Variants in RPAP2 observed in about 807,000 individuals in gnomAD.
RPAP2 encodes RNA polymerase II associated protein 2, also known as putative RNA polymerase II subunit B1 CTD phosphatase RPAP2.
RPAP2 carries 52 observed loss-of-function variants against 73.1 expected under a neutral mutation model. The ratio of observed to expected loss-of-function variants is 0.71; its 90% CI spans 0.57 to 0.90. The LOEUF is 0.90. RPAP2 is among the 40% of genes least tolerant of loss of function. The pLI is 0.00. For missense variants in RPAP2, 598 were observed against 701.8 expected, an observed-to-expected ratio of 0.85 and a Z score of 1.67; for synonymous variants, 225 against 242.1, an observed-to-expected ratio of 0.93 and a Z score of 0.65.
intron 12 of RPAP2, among the ~76,000 whole-genome samples, chr1:92,386,205 T>C (rs553515880): frequency 6.6e-6 from 1 of 152,290 alleles, no homozygotes; most frequent in Admixed American, 6.5e-5. Flanking sequence ...AGTTAGAAAC[T>C]AGTCACTAGG....
intron 11 of RPAP2, among the ~76,000 whole-genome samples, chr1:92,367,721 C>T (rs1654986343): frequency 6.6e-6 from 1 of 152,206 alleles, no homozygotes; most frequent in Non-Finnish European, 1.5e-5. Flanking sequence ...CTTCCTCCAA[C>T]CCCAAACCAT....
At chr1:92,305,419 T>C (rs1651143592) in intron 5 of RPAP2, among the ~76,000 whole-genome samples, 1 of 57,340 alleles carries the variant, frequency 1.7e-5, no homozygotes, top group Middle Eastern at 0.011. Context: ...GGCAACAGAG[T>C]GAGGCTCCGT....
At chr1:92,301,164 A>G (rs1423790572) in intron 2 of RPAP2, among the ~76,000 whole-genome samples, 2 of 152,150 alleles carry the variant, frequency 1.3e-5, no homozygotes, top group African/African-American at 4.8e-5. Context: ...TTTGAAAAGT[A>G]TTGGATCAAA....
chr1:92,367,601 A>G (rs1006458213), intron 11 of RPAP2, among the ~76,000 whole-genome samples: 5 of 152,144 alleles, frequency 3.3e-5, no homozygotes, highest in African/African-American at 1.2e-4. Flanking sequence ...ACCTTTATGC[A>G]TGGTAATCAG....
chr1:92,343,773 AAAAG>A (rs1446739504), intron 10 of RPAP2, among the ~76,000 whole-genome samples: 1 of 152,230 alleles, frequency 6.6e-6, no homozygotes, highest in African/African-American at 2.4e-5. Flanking sequence ...GTATGGAAAA[AAAAG>A]AAAAACATAT....
At chr1:92,356,417 TTTTTTG>T (rs1320004218) in intron 11 of RPAP2, among the ~76,000 whole-genome samples, 2 of 152,078 alleles carry the variant, frequency 1.3e-5, no homozygotes, top group Non-Finnish European at 1.5e-5. Flanking sequence ...ACATTTTCCT[TTTTTTG>T]TTTTTATTTT....
intron 11 of RPAP2, among the ~76,000 whole-genome samples, chr1:92,363,135 T>A (rs1437761892): frequency 6.6e-6 from 1 of 152,188 alleles, no homozygotes; most frequent in Non-Finnish European, 1.5e-5. Context: ...AACCCCTGCA[T>A]CTCAAGTTAA....
chr1:92,349,534 T>C (rs1025314258), intron 11 of RPAP2, among the ~76,000 whole-genome samples: 2 of 152,238 alleles, frequency 1.3e-5, no homozygotes, highest in African/African-American at 4.8e-5. Context: ...AACTGAGTCT[T>C]GAATTTTCAC....
intron 11 of RPAP2, among the ~76,000 whole-genome samples, chr1:92,361,807 C>T (rs1250639268): frequency 1.3e-5 from 2 of 151,960 alleles, no homozygotes; most frequent in Non-Finnish European, 2.9e-5. Context: ...TGATTCAAAA[C>T]TTTATTCCAA....
At chr1:92,301,394 G>C in intron 2 of RPAP2, 82 bp from the exon 3 acceptor site, 1 of 570,926 alleles carries the variant, frequency 1.8e-6, no homozygotes, top group Non-Finnish European at 3.0e-6. Flanking sequence ...AAAATAGTGA[G>C]TTAGGTTAGT....
intron 10 of RPAP2, among the ~76,000 whole-genome samples, chr1:92,345,477 G>T (rs947431980): frequency 6.6e-6 from 1 of 151,440 alleles, no homozygotes; most frequent in Non-Finnish European, 1.5e-5. Flanking sequence ...GGGAAAGAGG[G>T]GAGGGGAGGA....
Position 92,392,432 on chromosome 1 carries a change from T to C in RPAP2, c.*5421T>C, listed in dbSNP as rs1656078872. 6.6e-6 allele frequency: 1 copy of C among 152,154 alleles called. No homozygotes were observed. Among genetic ancestry groups the C allele is most frequent in the Non-Finnish European group, 1.5e-5 (1 of 68,040 alleles). The allele number at this position is 152,154 out of a possible 1,614,324, so 9.4% of individuals were successfully genotyped here. ...GACAAACCCACAGCCAATAGCATACTGAATGGGCAAAAGCTGGAAGCATTT... is the reference window on the plus strand; with the variant it reads ...GACAAACCCACAGCCAATAGCATACCGAATGGGCAAAAGCTGGAAGCATTT... On this transcript the variant is annotated 3_prime_UTR_variant, in exon 13 of 13. Transcript: ENST00000610020.
At chr1:92,321,051 A>G (rs1473816910) in intron 7 of RPAP2, among the ~76,000 whole-genome samples, 1 of 152,176 alleles carries the variant, frequency 6.6e-6, no homozygotes, top group Non-Finnish European at 1.5e-5. Context: ...TATAAATTCC[A>G]AGTTGTGATT....
At chr1:92,351,338 A>G (rs1296671777) in intron 11 of RPAP2, among the ~76,000 whole-genome samples, 1 of 151,324 alleles carries the variant, frequency 6.6e-6, no homozygotes, top group Admixed American at 6.6e-5. Flanking sequence ...AGAAAGGACC[A>G]TAATGAATTG....
chr1:92,312,790 T>G (rs912003258), intron 6 of RPAP2, among the ~76,000 whole-genome samples: 5 of 151,468 alleles, frequency 3.3e-5, no homozygotes, highest in African/African-American at 4.8e-5. Context: ...TTTGGCCTCC[T>G]CCCATGAATC....
At chr1:92,335,352 G>C (rs1179572534) in intron 9 of RPAP2, among the ~76,000 whole-genome samples, 2 of 152,092 alleles carry the variant, frequency 1.3e-5, no homozygotes, top group East Asian at 3.8e-4. Context: ...GAACATGTGT[G>C]AAACTTTTTA....
Position 92,373,733 on chromosome 1 carries a change from T to TAAAAAAAAAA in RPAP2, c.1689-6986_1689-6985insAAAAAAAAAA, listed in dbSNP as rs1395822870. On this transcript the variant is annotated intron_variant, in intron 11 of 12. Coordinates refer to ENST00000610020, the MANE Select transcript of RPAP2 (RefSeq NM_024813.3). ...CAACATGGTGAAACCCCGTCTCTAC[T>TAAAAAAAAAA]AAAAATAAAAAAAAAAAAAAAAAAA... Among the ~76,000 whole-genome samples the TAAAAAAAAAA allele has an allele frequency of 6.4e-4, 26 of 40,902 alleles. 7 individuals are homozygous for TAAAAAAAAAA. The highest frequency in any genetic ancestry group is 0.012 in the Middle Eastern group (1 of 82). The allele number at this position is 40,902 out of a possible 152,430, so 26.8% of individuals were successfully genotyped here.
rs1228968615 is a variant in RPAP2, at chr1:92,391,121, A to T, written c.*4110A>T. On this transcript the variant is annotated 3_prime_UTR_variant, in exon 13 of 13. Transcript: ENST00000610020. ...CCACATCACACTTATTCCAAAATTG[A>T]CCACATAATTGGAAGTAAAGCACTC... 1 of 152,222 alleles carries T rather than the reference A, an allele frequency of 6.6e-6. No homozygotes were observed. Among genetic ancestry groups the T allele is most frequent in the Non-Finnish European group, 1.5e-5 (1 of 68,042 alleles). 9.4% of individuals were successfully genotyped at this position (152,222 alleles called of 1,614,324 possible). A position where few individuals can be genotyped will look rare whatever the true frequency, so the allele number is the denominator to read the frequency against.
intron 6 of RPAP2, among the ~76,000 whole-genome samples, chr1:92,313,443 CTT>C (rs35793049): frequency 3.4e-5 from 5 of 145,018 alleles, no homozygotes; most frequent in African/African-American, 5.1e-5. Context: ...GGAAAGGAAT[CTT>C]TTTTTTTTTT....
Sources: gnomAD v4.1 joint callset for allele counts (sites outside exome capture counted in the v4.1 genomes callset) on GRCh38, gnomAD v4.1.1 for gene constraint, MANE v1.5 for transcripts, NCBI Gene and HGNC (gene_info 2026-07-23, HGNC 2026-07-21) for gene names.